The following DMD variants were observed in gnomAD, a reference collection of about 807,000 sequenced individuals.
DMD encodes the protein dystrophin.
Under a neutral mutation model 330.1 loss-of-function variants are expected in DMD, and 63 were observed. The observed-to-expected ratio is 0.19, with a 90% CI of 0.16 to 0.24. DMD has a LOEUF of 0.24. Ranked by LOEUF, DMD falls within the 10% of genes least tolerant of loss-of-function variation. The pLI is 1.00. For synonymous variants in DMD, 1,223 were observed against 959.8 expected, an observed-to-expected ratio of 1.27 and a Z score of -5.07; for missense variants, 3,344 against 2,684.1, an observed-to-expected ratio of 1.25 and a Z score of -5.43.
At chrX:33,141,262 G>T (rs1032918043) in intron 1 of DMD, among the ~76,000 whole-genome samples, 2 of 111,009 alleles carry the variant, frequency 1.8e-5, no homozygotes, top group Admixed American at 9.7e-5. Flanking sequence ...TTCATCTATT[G>T]TGAGGTTGCC....
intron 18 of DMD, among the ~76,000 whole-genome samples, chrX:32,510,617 C>T (rs1184019025): frequency 1.8e-5 from 2 of 111,336 alleles, no homozygotes; most frequent in African/African-American, 3.3e-5. Flanking sequence ...TCTATTTTAG[C>T]GTAACGCGTC....
chrX:32,547,380 T>C (rs186428168), intron 16 of DMD, among the ~76,000 whole-genome samples: 221 of 111,198 alleles, frequency 2.0e-3, no homozygotes, highest in Non-Finnish European at 3.2e-3. Flanking sequence ...TTTAAAAATA[T>C]ACTCAACCTT....
intron 2 of DMD, among the ~76,000 whole-genome samples, chrX:32,913,669 C>G (rs954209045): frequency 2.7e-5 from 3 of 111,516 alleles, no homozygotes; most frequent in African/African-American, 9.8e-5. Flanking sequence ...TGGAGAGTCT[C>G]GGGCATGCTA....
chrX:32,790,090 A>G (rs1229890566), intron 7 of DMD, among the ~76,000 whole-genome samples: 1 of 111,998 alleles, frequency 8.9e-6, no homozygotes, highest in Admixed American at 9.5e-5. Flanking sequence ...AAGACAAAAA[A>G]TCTGGGGCTT....
At chrX:33,040,689 G>A (rs1344472541) in intron 1 of DMD, among the ~76,000 whole-genome samples, 1 of 110,609 alleles carries the variant, frequency 9.0e-6, no homozygotes, top group Non-Finnish European at 1.9e-5. Context: ...CCCCATACTA[G>A]CAGTATGACA....
intron 44 of DMD, among the ~76,000 whole-genome samples, chrX:32,176,331 T>A (rs146170064): frequency 2.7e-5 from 3 of 111,996 alleles, no homozygotes; most frequent in Non-Finnish European, 3.8e-5. Context: ...GTACGTAGTG[T>A]GCAGGATATT....
At chrX:31,705,637 T>C (rs1371867952) in intron 52 of DMD, among the ~76,000 whole-genome samples, 1 of 112,538 alleles carries the variant, frequency 8.9e-6, no homozygotes, top group African/African-American at 3.2e-5. Flanking sequence ...TTTGAGTTAT[T>C]TGAGATAAAT....
chrX:32,768,168 TA>T (rs750145481), intron 7 of DMD, among the ~76,000 whole-genome samples: 2 of 111,940 alleles, frequency 1.8e-5, no homozygotes, highest in Non-Finnish European at 3.8e-5. Flanking sequence ...AAAAATATGT[TA>T]AAAAATGAAT....
At chrX:32,809,935 AAAAAAAAAAAAGAAAGAAAG>A (rs1438595452) in intron 6 of DMD, among the ~76,000 whole-genome samples, 18 of 95,065 alleles carry the variant, frequency 1.9e-4, no homozygotes, top group East Asian at 3.8e-4. Context: ...AAAAAAAAAA[AAAAAAAAAAAAGAAAGAAAG>A]AAAGAAAGAA....
At chrX:32,347,635 A>G (rs776992769) in intron 38 of DMD, among the ~76,000 whole-genome samples, 1 of 111,978 alleles carries the variant, frequency 8.9e-6, no homozygotes, top group South Asian at 3.7e-4. Flanking sequence ...GTCACTTTCA[A>G]GCATTGTCTG....
At chrX:32,670,281 A>G (rs1466749740) in intron 9 of DMD, among the ~76,000 whole-genome samples, 1 of 112,198 alleles carries the variant, frequency 8.9e-6, no homozygotes, top group African/African-American at 3.2e-5. Flanking sequence ...GATGATCAGT[A>G]AGTACTTGAC....
intron 50 of DMD, among the ~76,000 whole-genome samples, chrX:31,787,344 C>G (rs1171287464): frequency 1.8e-5 from 2 of 111,608 alleles, no homozygotes; most frequent in African/African-American, 3.3e-5. Flanking sequence ...GCACTCCAGC[C>G]TGGGAGACAA....
intron 7 of DMD, among the ~76,000 whole-genome samples, chrX:32,706,593 G>T (rs1244514295): frequency 9.1e-6 from 1 of 109,964 alleles, no homozygotes; most frequent in Non-Finnish European, 1.9e-5. Flanking sequence ...AATTAAAAAA[G>T]AAAAAAACAG....
At chrX:31,656,839 T>G (rs776994479) in intron 54 of DMD, among the ~76,000 whole-genome samples, 17 of 111,606 alleles carry the variant, frequency 1.5e-4, no homozygotes, top group East Asian at 2.8e-4. Flanking sequence ...CAACTTTAGG[T>G]TGAATCTTCT....
At chrX:32,838,397 G>GC (rs2079848033) in intron 4 of DMD, among the ~76,000 whole-genome samples, 1 of 109,868 alleles carries the variant, frequency 9.1e-6, no homozygotes, top group African/African-American at 3.3e-5. Context: ...CCCTCCCCTA[G>GC]CCCCCCACCC....
chrX:32,248,347 T>C (rs2097250382), intron 43 of DMD, among the ~76,000 whole-genome samples: 1 of 111,836 alleles, frequency 8.9e-6, no homozygotes, highest in Non-Finnish European at 1.9e-5. Context: ...CTTATACAAC[T>C]GTTGTTAAAT....
chrX:32,588,258 C>A (rs986608232), intron 13 of DMD, among the ~76,000 whole-genome samples: 3 of 111,776 alleles, frequency 2.7e-5, no homozygotes, highest in Non-Finnish European at 5.6e-5. Context: ...ATGATCGGTG[C>A]CCAAACAGAC....
In DMD at chrX:31,920,277, GTTATT is replaced by G. The variant is rs200447872; in HGVS notation, c.6912+9314_6912+9318del. Among the ~76,000 whole-genome samples, 571 of 112,004 alleles carry G rather than the reference GTTATT, an allele frequency of 5.1e-3. 17 individuals are homozygous for G. The highest frequency in any genetic ancestry group is 0.05 in the Admixed American group (528 of 10,544). ...TCTGATCTTTAATAAAAATCACCCT[GTTATT>G]TTACTTTTGTATGGCATATTGGCTT... On this transcript the variant is annotated intron_variant, in intron 47 of 78. Transcript: ENST00000357033.
intron 43 of DMD, among the ~76,000 whole-genome samples, chrX:32,244,661 T>A (rs777339409): frequency 1.1e-3 from 104 of 92,851 alleles, no homozygotes; most frequent in African/African-American, 4.1e-3. Flanking sequence ...TTCTAACTGG[T>A]GTGAGATGAT....
Sources: gnomAD v4.1 joint callset for allele counts (sites outside exome capture counted in the v4.1 genomes callset) on GRCh38, gnomAD v4.1.1 for gene constraint, MANE v1.5 for transcripts, NCBI Gene and HGNC (gene_info 2026-07-23, HGNC 2026-07-21) for gene names.